Variants in TTC27 observed in about 807,000 individuals in gnomAD.
TTC27 encodes the protein tetratricopeptide repeat domain 27, also known as tetratricopeptide repeat protein 27.
A neutral mutation model predicts 115.9 loss-of-function variants in TTC27; 79 were observed. That is an observed-to-expected ratio of 0.68 (90% CI 0.57 to 0.82). The LOEUF (loss-of-function observed/expected upper bound fraction) is 0.82. Ranked by LOEUF, TTC27 falls within the 40% of genes least tolerant of loss-of-function variation. The probability of loss-of-function intolerance (pLI) is 0.00; values close to 1 mark genes in which losing one functional copy is unlikely to be tolerated. For synonymous variants in TTC27, 401 were observed against 356.0 expected, an observed-to-expected ratio of 1.13 and a Z score of -1.42; for missense variants, 1,054 against 993.1, an observed-to-expected ratio of 1.06 and a Z score of -0.82.
chr2:32,795,993 A>T (rs1365029979), intron 16 of TTC27, among the ~76,000 whole-genome samples: 2 of 152,162 alleles, frequency 1.3e-5, no homozygotes, highest in East Asian at 1.9e-4. Flanking sequence ...GAAGTAAAAG[A>T]CATCCAAATT....
intron 4 of TTC27, among the ~76,000 whole-genome samples, chr2:32,640,915 G>A (rs2151863444): frequency 6.6e-6 from 1 of 152,266 alleles, no homozygotes; most frequent in Middle Eastern, 3.4e-3. Flanking sequence ...CTGGGAGGTG[G>A]AGGTTGCAGT....
chr2:32,682,072 G>A (rs886220702), intron 9 of TTC27, among the ~76,000 whole-genome samples: 1 of 149,586 alleles, frequency 6.7e-6, no homozygotes, highest in Non-Finnish European at 1.5e-5. Context: ...TAGAGACTGG[G>A]CTCTGTTCTT....
chr2:32,679,173 C>T (rs980535487), intron 9 of TTC27, among the ~76,000 whole-genome samples: 1 of 152,124 alleles, frequency 6.6e-6, no homozygotes, highest in Non-Finnish European at 1.5e-5. Flanking sequence ...ACCAGGAGAC[C>T]ATGGGTTAAA....
intron 9 of TTC27, among the ~76,000 whole-genome samples, chr2:32,697,538 T>G (rs1331782489): frequency 6.6e-6 from 1 of 152,362 alleles, no homozygotes; most frequent in East Asian, 1.9e-4. Flanking sequence ...TGCATTTAGC[T>G]TAATGTTAAA....
intron 3 of TTC27, among the ~76,000 whole-genome samples, chr2:32,638,035 G>A (rs1664495056): frequency 6.6e-6 from 1 of 152,238 alleles, no homozygotes; most frequent in South Asian, 2.1e-4. Context: ...GGCAGGAAGA[G>A]GTAGAGAGAT....
In TTC27 at chr2:32,728,228, A is replaced by G. The variant is rs193018420; in HGVS notation, c.1234-5600A>G. ...GCTAATTTTTTTGTATTTTTAGTAG[A>G]GACAGGGCTTCACCCTGTTAGCCAG... On this transcript the variant is annotated intron_variant, in intron 10 of 19. Transcript: ENST00000317907. Among the ~76,000 whole-genome samples the G allele has an allele frequency of 7.5e-3, 1,139 of 151,860 alleles. 7 individuals carry two copies. Among genetic ancestry groups the G allele is most frequent in the Non-Finnish European group, 0.012 (784 of 67,940 alleles).
chr2:32,651,535 G>T (rs1043200744), intron 5 of TTC27, among the ~76,000 whole-genome samples: 1 of 152,128 alleles, frequency 6.6e-6, no homozygotes, highest in Non-Finnish European at 1.5e-5. Flanking sequence ...TAGTAGACAT[G>T]GGGTTTCTCC....
chr2:32,793,099 A>T (rs1007350218), intron 16 of TTC27, among the ~76,000 whole-genome samples: 1 of 152,162 alleles, frequency 6.6e-6, no homozygotes, highest in Non-Finnish European at 1.5e-5. Flanking sequence ...ACTCAGTGGG[A>T]TAGTATTGGT....
At chr2:32,806,696 C>T (rs188454615) in intron 16 of TTC27, among the ~76,000 whole-genome samples, 97 of 152,014 alleles carry the variant, frequency 6.4e-4, no homozygotes, top group African/African-American at 2.0e-3. Flanking sequence ...GCAGGAGAAT[C>T]GCTTGAACCA....
At chr2:32,768,562 C>A (rs1182104217) in intron 13 of TTC27, among the ~76,000 whole-genome samples, 1 of 152,150 alleles carries the variant, frequency 6.6e-6, no homozygotes, top group Admixed American at 6.6e-5. Flanking sequence ...TGATAATGGA[C>A]AGAACTAGTT....
At chr2:32,775,952 G>A (rs2148011360) in intron 13 of TTC27, among the ~76,000 whole-genome samples, 1 of 152,278 alleles carries the variant, frequency 6.6e-6, no homozygotes, top group East Asian at 1.9e-4. Context: ...GTGGTTTGGT[G>A]CATTGAAGCT....
chr2:32,785,111 A>T (rs547091688), intron 15 of TTC27, among the ~76,000 whole-genome samples: 2 of 152,310 alleles, frequency 1.3e-5, no homozygotes, highest in South Asian at 4.1e-4. Context: ...TTAGCTGATG[A>T]TAAAATTTTG....
At chr2:32,764,403 CA>C (rs781398184) in intron 13 of TTC27, among the ~76,000 whole-genome samples, 8 of 151,596 alleles carry the variant, frequency 5.3e-5, no homozygotes, top group Non-Finnish European at 8.8e-5. Flanking sequence ...TAAAAAAAAA[CA>C]AACAAAAATC....
At chr2:32,725,896 C>T (rs1668092497) in intron 10 of TTC27, among the ~76,000 whole-genome samples, 1 of 152,192 alleles carries the variant, frequency 6.6e-6, no homozygotes, top group Non-Finnish European at 1.5e-5. Context: ...AACCTGAGTT[C>T]TTGACTTCTG....
At chr2:32,673,811 A>C (rs1363629599) in intron 8 of TTC27, among the ~76,000 whole-genome samples, 4 of 152,158 alleles carry the variant, frequency 2.6e-5, no homozygotes, top group African/African-American at 9.6e-5. Flanking sequence ...GCTGGCCAAC[A>C]TGGTGAAATC....
chr2:32,748,353 T>G (rs1668898782), intron 12 of TTC27, among the ~76,000 whole-genome samples: 1 of 152,218 alleles, frequency 6.6e-6, no homozygotes, highest in Non-Finnish European at 1.5e-5. Context: ...TGGCCTGTCG[T>G]ATAGTATATC....
chr2:32,796,638 A>G (rs1670711259), intron 16 of TTC27, among the ~76,000 whole-genome samples: 1 of 152,208 alleles, frequency 6.6e-6, no homozygotes, highest in Non-Finnish European at 1.5e-5. Context: ...TCTCAGAAAT[A>G]GAAAAACCTA....
chr2:32,692,443 G>C lies in TTC27; in HGVS notation c.1120-10364G>C, dbSNP rs1269075235. Reference sequence around the variant, plus strand: ...GAAGGGGGATTGGGAGTTGTTTAATGGGTATAGAGTTTCAGCTGCAAGATG... The same window carrying C: ...GAAGGGGGATTGGGAGTTGTTTAATCGGTATAGAGTTTCAGCTGCAAGATG... On this transcript the variant is annotated intron_variant, in intron 9 of 19. Transcript: ENST00000317907. Among the ~76,000 whole-genome samples the C allele has an allele frequency of 3.3e-5, 5 of 152,170 alleles. No homozygotes were observed. The East Asian group carries it at 7.7e-4, about 23-fold the overall frequency.
intron 13 of TTC27, among the ~76,000 whole-genome samples, chr2:32,772,158 C>G (rs1039186596): frequency 7.2e-5 from 11 of 152,132 alleles, no homozygotes; most frequent in African/African-American, 2.7e-4. Context: ...TTAGTTTTTG[C>G]TAGCCCTCAG....
Sources: gnomAD v4.1 joint callset for allele counts (sites outside exome capture counted in the v4.1 genomes callset) on GRCh38, gnomAD v4.1.1 for gene constraint, MANE v1.5 for transcripts, NCBI Gene and HGNC (gene_info 2026-07-23, HGNC 2026-07-21) for gene names.